Variants in SHROOM2 observed in about 807,000 individuals in gnomAD.
SHROOM2 encodes protein Shroom2.
Under a neutral mutation model 75.9 loss-of-function variants are expected in SHROOM2, and 33 were observed. That is an observed-to-expected ratio of 0.43 (90% CI 0.33 to 0.58). SHROOM2 has a LOEUF of 0.58. SHROOM2 is among the 20% of genes least tolerant of loss of function. SHROOM2 has a pLI of 0.04. For missense variants in SHROOM2, 1,434 were observed against 1,461.2 expected, an observed-to-expected ratio of 0.98 and a Z score of 0.30; for synonymous variants, 655 against 663.6, an observed-to-expected ratio of 0.99 and a Z score of 0.20.
chrX:9,859,926 T>G (rs1311419654), intron 1 of SHROOM2, among the ~76,000 whole-genome samples: 2 of 111,484 alleles, frequency 1.8e-5, no homozygotes, highest in East Asian at 5.6e-4. Context: ...CCGTGGTAAA[T>G]GGATTTTACA....
intron 1 of SHROOM2, among the ~76,000 whole-genome samples, chrX:9,806,788 A>G (rs1344660325): frequency 1.9e-5 from 2 of 107,328 alleles, no homozygotes; most frequent in Non-Finnish European, 3.8e-5. Context: ...CAGTGGCACT[A>G]TCCGGGCTCA....
chrX:9,815,434 ATGTGTG>A (rs56223508), intron 1 of SHROOM2, among the ~76,000 whole-genome samples: 1,743 of 88,692 alleles, frequency 0.02, 46 homozygotes, highest in African/African-American at 0.06. Context: ...TATACATATT[ATGTGTG>A]TGTGTGTGTG....
At chrX:9,856,731 C>T (rs1569151006) in intron 1 of SHROOM2, among the ~76,000 whole-genome samples, 1 of 111,823 alleles carries the variant, frequency 8.9e-6, no homozygotes, top group Non-Finnish European at 1.9e-5. Context: ...TCAGGCCTTT[C>T]TCTCCCAGTT....
At chrX:9,807,859 A>C (rs1211047551) in intron 1 of SHROOM2, among the ~76,000 whole-genome samples, 2 of 111,183 alleles carry the variant, frequency 1.8e-5, no homozygotes, top group East Asian at 2.8e-4. Flanking sequence ...TGCTAACTTG[A>C]CTGCTTCTGA....
At chrX:9,928,419 C>T (rs1459506111) in intron 5 of SHROOM2, among the ~76,000 whole-genome samples, 2 of 112,800 alleles carry the variant, frequency 1.8e-5, no homozygotes, top group African/African-American at 6.4e-5. Flanking sequence ...GGAGCTTGTG[C>T]GAAGACACAA....
At chrX:9,876,527 CTA>C (rs1033856117) in intron 2 of SHROOM2, among the ~76,000 whole-genome samples, 2 of 112,291 alleles carry the variant, frequency 1.8e-5, no homozygotes, top group African/African-American at 6.5e-5. Flanking sequence ...CCTTCTGTCT[CTA>C]TGGATTAGGT....
chrX:9,852,163 G>T (rs777334469), intron 1 of SHROOM2, among the ~76,000 whole-genome samples: 119 of 65,690 alleles, frequency 1.8e-3, no homozygotes, highest in Admixed American at 0.01. Context: ...CTTTGGAGGA[G>T]GTTAGTGCCC....
At chrX:9,863,848 T>C (rs749885825) in intron 1 of SHROOM2, among the ~76,000 whole-genome samples, 5 of 111,551 alleles carry the variant, frequency 4.5e-5, no homozygotes, top group African/African-American at 6.5e-5. Context: ...ATAGAGATTT[T>C]ATTGATACTT....
At chrX:9,938,115 C>T (rs1445237894) in intron 7 of SHROOM2, among the ~76,000 whole-genome samples, 1 of 111,415 alleles carries the variant, frequency 9.0e-6, no homozygotes, top group African/African-American at 3.3e-5. Context: ...AGGAGGGCCC[C>T]CCCCACAGAG....
intron 1 of SHROOM2, among the ~76,000 whole-genome samples, chrX:9,812,836 G>C (rs1293039794): frequency 1.8e-5 from 2 of 112,396 alleles, no homozygotes; most frequent in Admixed American, 1.9e-4. Flanking sequence ...GGGCCTTGTG[G>C]ACAGGAATGG....
chrX:9,803,542 C>T (rs987040135), intron 1 of SHROOM2, among the ~76,000 whole-genome samples: 3 of 110,899 alleles, frequency 2.7e-5, no homozygotes, highest in South Asian at 3.8e-4. Flanking sequence ...GGGTGCCCGG[C>T]GCTTTTCCCA....
At chrX:9,899,571 C>T (rs2084354258) in intron 5 of SHROOM2, among the ~76,000 whole-genome samples, 2 of 112,203 alleles carry the variant, frequency 1.8e-5, no homozygotes, top group African/African-American at 3.2e-5. Context: ...TTAAACAGAG[C>T]TGTTATCCTT....
rs1408419325 is a variant in SHROOM2 at position 9,903,709 on chromosome X, A to G, written c.2891+5419A>G. Among the ~76,000 whole-genome samples the G allele has an allele frequency of 3.6e-5, 4 of 110,200 alleles. No homozygotes were observed. The East Asian group carries it at 1.1e-3, about 32-fold the overall frequency. On this transcript the variant is annotated intron_variant, in intron 5 of 9. Coordinates refer to ENST00000380913, the MANE Select transcript of SHROOM2 (RefSeq NM_001649.4). ...TAGGTGCACACCACCATGCCAGCTA[A>G]TGTTTGTATTTTTTTTGTAAAGATG...
At chrX:9,865,554 C>CTTTTTTTT (rs56790591) in intron 1 of SHROOM2, 4 of 42,622 alleles carry the variant, frequency 9.4e-5, no homozygotes, top group African/African-American at 4.3e-4. Context: ...TTCCTGCTGC[C>CTTTTTTTT]TTTTTTTTTT....
At chrX:9,904,049 A>G (rs1250823319) in intron 5 of SHROOM2, among the ~76,000 whole-genome samples, 1 of 111,426 alleles carries the variant, frequency 9.0e-6, no homozygotes, top group Admixed American at 9.6e-5. Context: ...AAGCGGGAGC[A>G]GGGAGGCAGA....
intron 1 of SHROOM2, among the ~76,000 whole-genome samples, chrX:9,795,780 C>G (rs73194163): frequency 1.3e-3 from 137 of 109,067 alleles, no homozygotes; most frequent in Middle Eastern, 9.3e-3. Flanking sequence ...TTGTCAGATA[C>G]TTTTTTTCTA....
chrX:9,845,544 C>G (rs188997637), intron 1 of SHROOM2, among the ~76,000 whole-genome samples: 303 of 95,242 alleles, frequency 3.2e-3, no homozygotes, highest in Non-Finnish European at 1.1e-3. Context: ...TTTGTTTTTT[C>G]TGGAAAACAA....
intron 1 of SHROOM2, among the ~76,000 whole-genome samples, chrX:9,804,967 G>A (rs1398591052): frequency 9.0e-6 from 1 of 110,941 alleles, no homozygotes; most frequent in Admixed American, 9.7e-5. Context: ...AGGCACAGTG[G>A]CTCATATCTG....
At chrX:9,806,777 G>A (rs1472371402) in intron 1 of SHROOM2, among the ~76,000 whole-genome samples, 1 of 107,229 alleles carries the variant, frequency 9.3e-6, no homozygotes, top group African/African-American at 3.4e-5. Flanking sequence ...AGGCTGGAGT[G>A]CAGTGGCACT....
Sources: gnomAD v4.1 joint callset for allele counts (sites outside exome capture counted in the v4.1 genomes callset) on GRCh38, gnomAD v4.1.1 for gene constraint, MANE v1.5 for transcripts, NCBI Gene and HGNC (gene_info 2026-07-23, HGNC 2026-07-21) for gene names.